The following PIK3C2A variants were observed in gnomAD, a reference collection of about 807,000 sequenced individuals.
The protein encoded by PIK3C2A is phosphatidylinositol-4-phosphate 3-kinase catalytic subunit type 2 alpha.
A neutral mutation model predicts 204.5 loss-of-function variants in PIK3C2A; 97 were observed. The ratio of observed to expected loss-of-function variants is 0.47; its 90% CI spans 0.40 to 0.56. The LOEUF is 0.56. Among genes scored for constraint, PIK3C2A ranks in the 20% least tolerant of loss-of-function variants. The pLI is 0.00. For missense variants in PIK3C2A, 1,735 were observed against 1,969.2 expected, an observed-to-expected ratio of 0.88 and a Z score of 2.25; for synonymous variants, 653 against 664.4, an observed-to-expected ratio of 0.98 and a Z score of 0.26.
intron 16 of PIK3C2A, 50 bp downstream of exon 16, chr11:17,119,736 A>T: frequency 8.7e-7 from 1 of 1,147,756 alleles, no homozygotes; most frequent in Non-Finnish European, 1.2e-6. Context: ...AACATACCTT[A>T]CTGGAAAAAC....
At chr11:17,174,419 C>A (rs1851274549) in intron 1 of PIK3C2A, among the ~76,000 whole-genome samples, 1 of 80,414 alleles carries the variant, frequency 1.2e-5, no homozygotes, top group Admixed American at 1.4e-4. Flanking sequence ...AACCCCGTCT[C>A]TACTAAAAAA....
intron 1 of PIK3C2A, among the ~76,000 whole-genome samples, chr11:17,181,506 C>T (rs1851550732): frequency 6.6e-6 from 1 of 151,288 alleles, no homozygotes; most frequent in Admixed American, 6.6e-5. Flanking sequence ...GTGTGGCATG[C>T]CCGTAGTCCC....
chr11:17,106,881 G>A (rs1003999588), intron 22 of PIK3C2A, among the ~76,000 whole-genome samples: 15 of 152,164 alleles, frequency 9.9e-5, no homozygotes, highest in African/African-American at 3.6e-4. Context: ...TCCAGAATAC[G>A]TTAGCACTTT....
chr11:17,134,756 C>T (rs1009696315), intron 11 of PIK3C2A, 63 bp downstream of exon 11: 63 of 1,240,354 alleles, frequency 5.1e-5, no homozygotes, highest in Middle Eastern at 2.1e-4. Context: ...CCACTGTGGC[C>T]TCACAAAGCC....
chr11:17,142,156 T>C (rs1174849721), intron 8 of PIK3C2A, among the ~76,000 whole-genome samples: 1 of 152,218 alleles, frequency 6.6e-6, no homozygotes, highest in Non-Finnish European at 1.5e-5. Flanking sequence ...AAATTCAGTT[T>C]TGTACATCTT....
At chr11:17,167,332 C>T (rs979848222) in intron 2 of PIK3C2A, among the ~76,000 whole-genome samples, 1 of 151,700 alleles carries the variant, frequency 6.6e-6, no homozygotes, top group Non-Finnish European at 1.5e-5. Flanking sequence ...TTTTTTAAGT[C>T]AACAATTTGG....
intron 1 of PIK3C2A, among the ~76,000 whole-genome samples, chr11:17,203,447 G>T (rs1852456623): frequency 6.6e-6 from 1 of 152,060 alleles, no homozygotes; most frequent in African/African-American, 2.4e-5. Context: ...TACAGATGCA[G>T]AGAAAACAAA....
chr11:17,166,009 A>C (rs1289354814), intron 2 of PIK3C2A, among the ~76,000 whole-genome samples: 1 of 152,190 alleles, frequency 6.6e-6, no homozygotes, highest in African/African-American at 2.4e-5. Flanking sequence ...TTCATCTATA[A>C]GCCCTCCAAA....
At chr11:17,104,603 T>C (rs1413209676) in intron 23 of PIK3C2A, among the ~76,000 whole-genome samples, 1 of 151,340 alleles carries the variant, frequency 6.6e-6, no homozygotes, top group East Asian at 1.9e-4. Flanking sequence ...TGGGCGCCTG[T>C]AGCCCCAGCT....
At chr11:17,202,671 T>C (rs1485888434) in intron 1 of PIK3C2A, among the ~76,000 whole-genome samples, 1 of 152,226 alleles carries the variant, frequency 6.6e-6, no homozygotes, top group Non-Finnish European at 1.5e-5. Context: ...ACAACATCTT[T>C]GGGCCTCAGC....
intron 2 of PIK3C2A, among the ~76,000 whole-genome samples, chr11:17,158,457 T>C (rs928001823): frequency 1.3e-5 from 2 of 151,582 alleles, no homozygotes; most frequent in Admixed American, 6.6e-5. Context: ...GGAACTATTA[T>C]TACTCCCATT....
chr11:17,137,730 A>T (rs1239450057), intron 8 of PIK3C2A, among the ~76,000 whole-genome samples: 1 of 152,004 alleles, frequency 6.6e-6, no homozygotes, highest in Non-Finnish European at 1.5e-5. Flanking sequence ...TTAAGTGCCA[A>T]TTATCAATTT....
intron 1 of PIK3C2A, among the ~76,000 whole-genome samples, chr11:17,199,506 T>C (rs1852288169): frequency 2.0e-5 from 3 of 152,244 alleles, no homozygotes; most frequent in Non-Finnish European, 2.9e-5. Context: ...ACATTAAATA[T>C]GATTCAGCCA....
At chr11:17,161,407 T>C (rs901741302) in intron 2 of PIK3C2A, among the ~76,000 whole-genome samples, 2 of 152,224 alleles carry the variant, frequency 1.3e-5, no homozygotes, top group East Asian at 1.9e-4. Flanking sequence ...TGGGGATATG[T>C]TTAAAATGTT....
chr11:17,111,797 A>C (rs1012241799), intron 21 of PIK3C2A, among the ~76,000 whole-genome samples: 4 of 151,398 alleles, frequency 2.6e-5, no homozygotes, highest in Non-Finnish European at 4.4e-5. Flanking sequence ...GAACTGCATG[A>C]ACTAGGGAGG....
intron 1 of PIK3C2A, among the ~76,000 whole-genome samples, chr11:17,172,887 A>G (rs1040800730): frequency 6.6e-6 from 1 of 152,208 alleles, no homozygotes. Flanking sequence ...AGTCTTCTCC[A>G]TATTGAAGGG....
At chr11:17,191,606 C>T (rs2137551822) in intron 1 of PIK3C2A, among the ~76,000 whole-genome samples, 1 of 152,210 alleles carries the variant, frequency 6.6e-6, no homozygotes, top group South Asian at 2.1e-4. Context: ...TGTATCCTTT[C>T]CTTGAAATAA....
chr11:17,154,946 C>G (rs1399975069), intron 3 of PIK3C2A, among the ~76,000 whole-genome samples: 1 of 152,142 alleles, frequency 6.6e-6, no homozygotes, highest in Non-Finnish European at 1.5e-5. Flanking sequence ...GGGAAGAAAA[C>G]ATGCTTAACC....
intron 8 of PIK3C2A, chr11:17,138,125 G>C (rs1202176438): frequency 1.3e-6 from 1 of 763,818 alleles, no homozygotes; most frequent in South Asian, 1.3e-5. Flanking sequence ...TTTTTGTTTT[G>C]GACAATCTCA....
Sources: gnomAD v4.1 joint callset for allele counts (sites outside exome capture counted in the v4.1 genomes callset) on GRCh38, gnomAD v4.1.1 for gene constraint, MANE v1.5 for transcripts, NCBI Gene and HGNC (gene_info 2026-07-23, HGNC 2026-07-21) for gene names.